The following IRAK4 variants were observed in gnomAD, a reference collection of about 807,000 sequenced individuals.
IRAK4 encodes the protein interleukin 1 receptor associated kinase 4.
A neutral mutation model predicts 51.8 loss-of-function variants in IRAK4; 44 were observed. The ratio of observed to expected loss-of-function variants is 0.85; its 90% CI spans 0.67 to 1.09. The LOEUF is 1.09. Ranked by LOEUF, IRAK4 falls within the 50% of genes least tolerant of loss-of-function variation. IRAK4 has a pLI of 0.00. For synonymous variants in IRAK4, 149 were observed against 174.1 expected (o/e 0.86, Z 1.13); for missense variants, 487 against 538.0 (o/e 0.91, Z 0.94).
rs892066167 is a variant in IRAK4, at chr12:43,777,537, T to C, written c.717-93T>C. The C allele has an allele frequency of 1.3e-5, 15 of 1,153,340 alleles. No individual in the cohort carries two copies. In the East Asian group the frequency reaches 3.2e-4, roughly 25 times the overall value. 71.4% of individuals were successfully genotyped at this position (1,153,340 alleles called of 1,614,324 possible). On this transcript the variant is annotated intron_variant, in intron 6 of 11. Coordinates refer to ENST00000613694, the MANE Select transcript of IRAK4 (RefSeq NM_016123.4). Reference sequence around the variant, plus strand: ...AATATATAACATACTATTTTTTTGCTCTTTTTTTCTATTAAAACTTTGAAT... The same window carrying C: ...AATATATAACATACTATTTTTTTGCCCTTTTTTTCTATTAAAACTTTGAAT...
chr12:43,762,446 C>T (rs1248830896), intron 1 of IRAK4, among the ~76,000 whole-genome samples: 1 of 152,048 alleles, frequency 6.6e-6, no homozygotes, highest in African/African-American at 2.4e-5. Context: ...CATGTTGTAC[C>T]TTACAGTAGA....
At chr12:43,763,913 A>G (rs1939841062) in intron 1 of IRAK4, among the ~76,000 whole-genome samples, 1 of 152,138 alleles carries the variant, frequency 6.6e-6, no homozygotes, top group Non-Finnish European at 1.5e-5. Context: ...CACCTTTTCT[A>G]GAAGTCTCTG....
chr12:43,771,346 T>TGCGAGTCTTTTGCTCCC lies in IRAK4; in HGVS notation c.289_305dup (p.Asp103ArgfsTer22). 1 of 1,614,184 alleles carries TGCGAGTCTTTTGCTCCC rather than the reference T, an allele frequency of 6.2e-7. No individual in the cohort carries two copies. Among genetic ancestry groups the TGCGAGTCTTTTGCTCCC allele is most frequent in the Non-Finnish European group, 8.5e-7 (1 of 1,180,018 alleles). On this transcript the variant is annotated frameshift_variant, in exon 3 of 12. Coordinates refer to ENST00000613694, the MANE Select transcript of IRAK4 (RefSeq NM_016123.4). LOFTEE classifies it high-confidence loss of function. ...TGATCCAAAATGAATTTTTTGCTCC[T>TGCGAGTCTTTTGCTCCC]GCGAGTCTTTTGCTCCCAGGTAAAC...
At position 43,782,481 on chromosome 12, in the gene IRAK4, CT is replaced by C. The variant is rs1376102243; in HGVS notation, c.1119del (p.Phe373LeufsTer6). On this transcript the variant is annotated frameshift_variant, in exon 9 of 12. Transcript: ENST00000613694. LOFTEE classifies it high-confidence loss of function. ...TAACACCCAAATCTGATATTTACAG[CT>C]TTGGTGTGGTAAGTTCCGTATACAT... ...EITPKSDIYS[F>X]GVVLLEIITG... 3.7e-6 allele frequency: 6 copies of C among 1,612,106 alleles called. No individual in the cohort carries two copies. In the East Asian group the frequency reaches 1.3e-4, roughly 36 times the overall value.
intron 2 of IRAK4, 66 bp from the exon 3 acceptor site, chr12:43,771,154 A>G (rs1341145572): frequency 5.2e-6 from 7 of 1,333,504 alleles, no homozygotes; most frequent in African/African-American, 2.9e-5. Context: ...GTGGTATTCT[A>G]TTATTGCAGC....
rs1321693581 is a variant in IRAK4, at chr12:43,788,622, C to T, written c.*1907C>T. On this transcript the variant is annotated 3_prime_UTR_variant, in exon 12 of 12. Transcript: ENST00000613694. ...TGGCACGATCTCGGCTCACTGCAAG[C>T]TCTGCCTCCCAGGTTCACGCCATTC... is the stretch of plus-strand genomic sequence containing the variant. The T allele has an allele frequency of 6.7e-6, 1 of 150,228 alleles. No individual in the cohort carries two copies. Among genetic ancestry groups the T allele is most frequent in the Non-Finnish European group, 1.5e-5 (1 of 68,026 alleles). The allele number at this position is 150,228 out of a possible 1,614,324, so 9.3% of individuals were successfully genotyped here.
At chr12:43,776,089 G>A (rs529778742) in intron 6 of IRAK4, among the ~76,000 whole-genome samples, 1 of 151,952 alleles carries the variant, frequency 6.6e-6, no homozygotes, top group African/African-American at 2.4e-5. Flanking sequence ...GTTTCACCAC[G>A]TTAGCCAGGA....
Position 43,786,408 on chromosome 12 carries a change from A to C in IRAK4, c.1198A>C (p.Lys400Gln). Reference protein sequence around the residue: ...HREPQLLLDIKEEIEDEEKTI... With the variant: ...HREPQLLLDIQEEIEDEEKTI... ...AACACTCATTTTAAAGCTAGATATT[A>C]AAGAAGAAATTGAAGATGAAGAAAA... Residue 400 changes from lysine to glutamine, a missense_variant, in exon 11 of 12, where the codon AAA becomes CAA. Transcript: ENST00000613694. 1.3e-6 allele frequency: 2 copies of C among 1,581,428 alleles called. No individual in the cohort carries two copies. Among genetic ancestry groups the C allele is most frequent in the Non-Finnish European group, 1.7e-6 (2 of 1,158,914 alleles).
At chr12:43,760,485 A>G (rs942027207) in intron 1 of IRAK4, among the ~76,000 whole-genome samples, 1 of 152,236 alleles carries the variant, frequency 6.6e-6, no homozygotes, top group Non-Finnish European at 1.5e-5. Context: ...AACAAAGTCA[A>G]TACAAAAACT....
intron 9 of IRAK4, 49 bp downstream of exon 9, chr12:43,782,539 G>T (rs1323293501): frequency 1.4e-6 from 2 of 1,443,304 alleles, no homozygotes; most frequent in African/African-American, 1.4e-5. Flanking sequence ...TGCTATAATT[G>T]TGAAAATGAA....
chr12:43,787,946 A>G lies in IRAK4; in HGVS notation c.*1231A>G, dbSNP rs1942319390. 1 of 152,304 alleles carries G rather than the reference A, an allele frequency of 6.6e-6. No individual in the cohort carries two copies. The highest frequency in any genetic ancestry group is 1.5e-5 in the Non-Finnish European group (1 of 68,154). The allele number at this position is 152,304 out of a possible 1,614,324, so 9.4% of individuals were successfully genotyped here. ...GTGGTGGACACCTGTAGTCCCAGCT[A>G]CTTGGGAGGCTGAGGCAGGAGACTA... On this transcript the variant is annotated 3_prime_UTR_variant, in exon 12 of 12. Transcript: ENST00000613694.
chr12:43,765,910 AT>A (rs1940098259), intron 1 of IRAK4, among the ~76,000 whole-genome samples: 1 of 149,834 alleles, frequency 6.7e-6, no homozygotes, highest in African/African-American at 2.5e-5. Flanking sequence ...AATTGTTTTG[AT>A]TTGGCCTCCT....
At chr12:43,767,305 C>A (rs904386832) in intron 1 of IRAK4, among the ~76,000 whole-genome samples, 2 of 152,136 alleles carry the variant, frequency 1.3e-5, no homozygotes, top group African/African-American at 4.8e-5. Flanking sequence ...GAAGGATTAA[C>A]GGCAGTGTTG....
At position 43,782,631 on chromosome 12, in the gene IRAK4, C is replaced by T. The variant is rs904708408; in HGVS notation, c.1125+141C>T. 12 of 697,694 alleles carry T rather than the reference C, an allele frequency of 1.7e-5. No homozygotes were observed. In the East Asian group the frequency reaches 3.4e-4, roughly 20 times the overall value. 43.2% of individuals were successfully genotyped at this position (697,694 alleles called of 1,614,324 possible). On this transcript the variant is annotated intron_variant, in intron 9 of 11. Coordinates refer to ENST00000613694, the MANE Select transcript of IRAK4 (RefSeq NM_016123.4). ...TTTTCACATTAACCTCTACTTATAC[C>T]AGAAAGTTTATAAAAACTTCTTCCA... is the stretch of plus-strand genomic sequence containing the variant.
At chr12:43,765,504 A>G (rs1940035910) in intron 1 of IRAK4, among the ~76,000 whole-genome samples, 1 of 152,136 alleles carries the variant, frequency 6.6e-6, no homozygotes, top group Non-Finnish European at 1.5e-5. Flanking sequence ...CTTTAGTTTT[A>G]GCAGAATTCA....
At chr12:43,776,171 A>G (rs1280396468) in intron 6 of IRAK4, among the ~76,000 whole-genome samples, 1 of 152,042 alleles carries the variant, frequency 6.6e-6, no homozygotes, top group Non-Finnish European at 1.5e-5. Context: ...CGCCCGGCCT[A>G]TTATTACAAT....
At chr12:43,782,674 G>A (rs1312788240) in intron 9 of IRAK4, among the ~76,000 whole-genome samples, 184 bp downstream of exon 9, 1 of 152,114 alleles carries the variant, frequency 6.6e-6, no homozygotes, top group African/African-American at 2.4e-5. Flanking sequence ...AAACTTTTGA[G>A]TTGATTTTTG....
rs536073958 is a variant in IRAK4 at position 43,788,230 on chromosome 12, C to T, written c.*1515C>T. 10 of 152,348 alleles carry T rather than the reference C, an allele frequency of 6.6e-5. No homozygotes were observed. The East Asian group carries it at 1.9e-3, about 29-fold the overall frequency. The allele number at this position is 152,348 out of a possible 1,614,324, so 9.4% of individuals were successfully genotyped here. A position where few individuals can be genotyped will look rare whatever the true frequency, so the allele number is the denominator to read the frequency against. ...AGGGGTATGTGGAAATTATACAGAGCATGTACAGCGGGAGGCTTATAGTGT... is the reference window on the plus strand; with the variant it reads ...AGGGGTATGTGGAAATTATACAGAGTATGTACAGCGGGAGGCTTATAGTGT... On this transcript the variant is annotated 3_prime_UTR_variant, in exon 12 of 12. Transcript: ENST00000613694.
intron 2 of IRAK4, 75 bp downstream of exon 2, chr12:43,768,347 C>A: frequency 8.9e-7 from 1 of 1,129,412 alleles, no homozygotes; most frequent in Non-Finnish European, 1.3e-6. Context: ...TAAGTACTGT[C>A]TAATGTGGCA....
Sources: allele counts gnomAD v4.1 joint callset (sites outside exome capture counted in the v4.1 genomes callset), GRCh38; gene constraint gnomAD v4.1.1; transcripts MANE v1.5; gene names NCBI Gene and HGNC (gene_info 2026-07-23, HGNC 2026-07-21).